The following CSMD1 variants were observed in gnomAD, a reference collection of about 807,000 sequenced individuals.
The protein encoded by CSMD1 is CUB and Sushi multiple domains 1.
A neutral mutation model predicts 417.5 loss-of-function variants in CSMD1; 213 were observed. The observed-to-expected ratio is 0.51, with a 90% confidence interval of 0.46 to 0.57. CSMD1 has a LOEUF of 0.57. Among genes scored for constraint, CSMD1 ranks in the 20% least tolerant of loss-of-function variants. CSMD1 has a pLI of 0.00. For synonymous variants in CSMD1, 2,862 were observed against 1,736.8 expected (o/e 1.65, Z -16.11); for missense variants, 6,923 against 4,529.7 (o/e 1.53, Z -15.17).
chr8:3,757,897 C>T (rs181884029), intron 5 of CSMD1, among the ~76,000 whole-genome samples: 2 of 152,080 alleles, frequency 1.3e-5, no homozygotes, highest in Admixed American at 1.3e-4. Flanking sequence ...AAACACCGAG[C>T]TGGAAGATAA....
At chr8:4,385,182 C>T (rs922365020) in intron 3 of CSMD1, among the ~76,000 whole-genome samples, 2 of 152,094 alleles carry the variant, frequency 1.3e-5, no homozygotes, top group Non-Finnish European at 2.9e-5. Context: ...CCCGTCTCGG[C>T]GTCTTAAAGT....
intron 1 of CSMD1, among the ~76,000 whole-genome samples, chr8:4,727,088 G>A (rs1033494202): frequency 7.9e-5 from 12 of 152,120 alleles, no homozygotes; most frequent in Non-Finnish European, 1.6e-4. Context: ...TCTACCGGCT[G>A]AGTAGGGTGA....
At chr8:4,976,687 G>C (rs1417282590) in intron 1 of CSMD1, among the ~76,000 whole-genome samples, 2 of 152,132 alleles carry the variant, frequency 1.3e-5, no homozygotes, top group Non-Finnish European at 2.9e-5. Flanking sequence ...TTTTACTCCA[G>C]CATTTTTATT....
chr8:4,072,535 T>A (rs549841719), intron 3 of CSMD1, among the ~76,000 whole-genome samples: 3 of 152,150 alleles, frequency 2.0e-5, no homozygotes, highest in Admixed American at 1.3e-4. Flanking sequence ...AGGAATCACA[T>A]AGTTTTAAGT....
At chr8:4,456,332 CAT>C (rs1190744088) in intron 2 of CSMD1, among the ~76,000 whole-genome samples, 5 of 152,190 alleles carry the variant, frequency 3.3e-5, no homozygotes, top group East Asian at 3.9e-4. Flanking sequence ...AAAAATTAGT[CAT>C]AGAGCAGGAA....
rs1798676174 is a variant in CSMD1 at position 4,312,436 on chromosome 8, TGCGTATATATATAC to T, written c.415+107503_415+107516del. 7.7e-5 allele frequency among the ~76,000 whole-genome samples: 9 copies of T among 116,912 alleles called. 1 individual carries two copies. Among genetic ancestry groups the T allele is most frequent in the Non-Finnish European group, 1.5e-4 (9 of 60,640 alleles). 76.7% of individuals were successfully genotyped at this position (116,912 alleles called of 152,430 possible). On this transcript the variant is annotated intron_variant, in intron 3 of 69. Transcript: ENST00000635120. ...GTATATATATGCGCGTATATATATA[TGCGTATATATATAC>T]GTATATATATGCGCGTATATATATA...
chr8:3,626,943 T>G (rs1208290909), intron 7 of CSMD1, among the ~76,000 whole-genome samples: 1 of 151,436 alleles, frequency 6.6e-6, no homozygotes, highest in Non-Finnish European at 1.5e-5. Context: ...TATACAGTTT[T>G]AAATACACAG....
At chr8:4,306,577 G>A (rs559550484) in intron 3 of CSMD1, among the ~76,000 whole-genome samples, 2 of 152,172 alleles carry the variant, frequency 1.3e-5, no homozygotes, top group East Asian at 1.9e-4. Flanking sequence ...CCCTGCCCAT[G>A]GTGTATTAAG....
At chr8:3,175,552 TC>T (rs1820882861) in intron 37 of CSMD1, among the ~76,000 whole-genome samples, 1 of 132,614 alleles carries the variant, frequency 7.5e-6, no homozygotes, top group African/African-American at 2.9e-5. Flanking sequence ...TCCCTCCCTC[TC>T]TCCCTCCCTG....
At chr8:3,839,568 A>G (rs1026637129) in intron 5 of CSMD1, among the ~76,000 whole-genome samples, 2 of 114,334 alleles carry the variant, frequency 1.7e-5, no homozygotes, top group African/African-American at 6.1e-5. Context: ...ATAATATATA[A>G]TATTAATTTA....
chr8:4,644,416 A>AT (rs56698348), intron 1 of CSMD1, among the ~76,000 whole-genome samples: 23 of 151,456 alleles, frequency 1.5e-4, no homozygotes, highest in South Asian at 1.5e-3. Flanking sequence ...CCTTTGCCCT[A>AT]TTTTTTTTTG....
chr8:4,713,439 T>C (rs1355792063), intron 1 of CSMD1, among the ~76,000 whole-genome samples: 2 of 151,998 alleles, frequency 1.3e-5, no homozygotes, highest in Non-Finnish European at 2.9e-5. Flanking sequence ...TCTCCCTCTC[T>C]TGCCCAGGCT....
chr8:4,333,870 T>C (rs962573888), intron 3 of CSMD1, among the ~76,000 whole-genome samples: 27 of 152,122 alleles, frequency 1.8e-4, no homozygotes, highest in African/African-American at 5.1e-4. Context: ...ATGGGGATTC[T>C]AATACAATTT....
chr8:3,317,026 T>C (rs1805817382), intron 23 of CSMD1, among the ~76,000 whole-genome samples: 1 of 151,978 alleles, frequency 6.6e-6, no homozygotes, highest in South Asian at 2.1e-4. Flanking sequence ...ACAAATACTA[T>C]TTTGCAAATT....
At chr8:3,934,336 G>A (rs540433274) in intron 5 of CSMD1, among the ~76,000 whole-genome samples, 2 of 152,126 alleles carry the variant, frequency 1.3e-5, no homozygotes, top group Non-Finnish European at 2.9e-5. Context: ...TAGTTAACAC[G>A]TACAAAAAGA....
At chr8:4,032,207 T>A (rs1326430624) in intron 3 of CSMD1, 108 bp from the exon 4 acceptor site, 11 of 726,490 alleles carry the variant, frequency 1.5e-5, no homozygotes, top group Non-Finnish European at 1.1e-5. Flanking sequence ...TGAGAAAACC[T>A]CTAGCATCAG....
intron 26 of CSMD1, among the ~76,000 whole-genome samples, chr8:3,233,357 C>T (rs577649402): frequency 3.3e-5 from 5 of 152,320 alleles, no homozygotes; most frequent in South Asian, 2.1e-4. Context: ...GATGCCTGCA[C>T]ACGTTAGGAC....
intron 2 of CSMD1, among the ~76,000 whole-genome samples, chr8:4,437,122 A>G (rs773434692): frequency 3.9e-5 from 6 of 152,218 alleles, no homozygotes; most frequent in Non-Finnish European, 8.8e-5. Context: ...GCTACCCAAA[A>G]GAATTCTTTT....
At chr8:4,522,925 T>G (rs1327553076) in intron 2 of CSMD1, among the ~76,000 whole-genome samples, 1 of 152,216 alleles carries the variant, frequency 6.6e-6, no homozygotes, top group Admixed American at 6.5e-5. Context: ...AGGACATTGC[T>G]GTTATCCTTG....
Sources: allele counts gnomAD v4.1 joint callset (sites outside exome capture counted in the v4.1 genomes callset), GRCh38; gene constraint gnomAD v4.1.1; transcripts MANE v1.5; gene names NCBI Gene and HGNC (gene_info 2026-07-23, HGNC 2026-07-21).